CRADD: variants seen among roughly 807,000 people sequenced by gnomAD.
CRADD encodes death domain-containing protein CRADD.
Under a neutral mutation model 15.5 loss-of-function variants are expected in CRADD, and 9 were observed. That is an observed-to-expected ratio of 0.58 (90% CI 0.35 to 1.01). The LOEUF is 1.01. Among genes scored for constraint, CRADD ranks in the 50% least tolerant of loss-of-function variants. CRADD has a pLI of 0.02. For synonymous variants in CRADD, 118 were observed against 107.6 expected (o/e 1.10, Z -0.60); for missense variants, 227 against 250.3 (o/e 0.91, Z 0.63).
chr12:93,686,093 A>C (rs1955428623), intron 2 of CRADD, among the ~76,000 whole-genome samples: 1 of 151,662 alleles, frequency 6.6e-6, no homozygotes, highest in African/African-American at 2.4e-5. Flanking sequence ...TGAGGTCAGG[A>C]GTTTGAGACC....
chr12:93,743,217 A>G (rs183431734), intron 2 of CRADD, among the ~76,000 whole-genome samples: 1 of 152,306 alleles, frequency 6.6e-6, no homozygotes, highest in East Asian at 1.9e-4. Flanking sequence ...GTTACAATAT[A>G]GAGGTTTTTT....
chr12:93,732,452 G>T (rs1287161022), intron 2 of CRADD, among the ~76,000 whole-genome samples: 1 of 152,192 alleles, frequency 6.6e-6, no homozygotes, highest in Non-Finnish European at 1.5e-5. Flanking sequence ...AACAGAACAA[G>T]GCAACATCTC....
intron 2 of CRADD, among the ~76,000 whole-genome samples, chr12:93,802,202 A>G (rs886216174): frequency 5.9e-5 from 9 of 152,176 alleles, no homozygotes; most frequent in Non-Finnish European, 1.2e-4. Context: ...TCTGGGTAGG[A>G]ACCCAGTAGT....
chr12:93,684,976 G>A (rs1955398573), intron 2 of CRADD, among the ~76,000 whole-genome samples: 1 of 152,216 alleles, frequency 6.6e-6, no homozygotes, highest in South Asian at 2.1e-4. Flanking sequence ...CCGTGATCTT[G>A]TGTGGCTCGT....
intron 2 of CRADD, among the ~76,000 whole-genome samples, chr12:93,827,275 T>C (rs1040063301): frequency 2.0e-5 from 3 of 152,178 alleles, no homozygotes; most frequent in African/African-American, 7.2e-5. Flanking sequence ...TGTCATTATG[T>C]GTTGGTTTCA....
intron 2 of CRADD, among the ~76,000 whole-genome samples, chr12:93,757,010 T>A (rs1265724216): frequency 6.6e-6 from 1 of 152,258 alleles, no homozygotes; most frequent in Admixed American, 6.5e-5. Context: ...ACCATTGTCA[T>A]GGCTGAGTGA....
chr12:93,683,776 AT>A (rs1357486041), intron 2 of CRADD, among the ~76,000 whole-genome samples: 1 of 152,254 alleles, frequency 6.6e-6, no homozygotes. Context: ...AATGGCAGAT[AT>A]TTTAGATATT....
chr12:93,853,893 A>G (rs1958249035), downstream of CRADD, among the ~76,000 whole-genome samples: 1 of 151,978 alleles, frequency 6.6e-6, no homozygotes, highest in Admixed American at 6.5e-5. Flanking sequence ...TGTCTTAACC[A>G]CTTCCCTGCG....
chr12:93,752,183 A>G (rs909465406), intron 2 of CRADD, among the ~76,000 whole-genome samples: 1 of 152,220 alleles, frequency 6.6e-6, no homozygotes, highest in African/African-American at 2.4e-5. Context: ...GTGGAGGGTA[A>G]AGCATGGCTT....
intron 2 of CRADD, among the ~76,000 whole-genome samples, chr12:93,690,144 A>G (rs1379979700): frequency 6.6e-6 from 1 of 152,202 alleles, no homozygotes; most frequent in East Asian, 1.9e-4. Flanking sequence ...TCTTCAATCA[A>G]GTTTCTACAC....
At chr12:93,757,167 C>G (rs1956900098) in intron 2 of CRADD, among the ~76,000 whole-genome samples, 5 of 152,192 alleles carry the variant, frequency 3.3e-5, no homozygotes, top group Admixed American at 6.5e-5. Context: ...CGTATTATCT[C>G]AAGATCATTT....
rs539340280 is a variant in CRADD, at chr12:93,679,071, A to C, written c.297A>C (p.Ala99=). ...AREEAMTDLP[A]GDRLTGIPSH... is the part of the protein sequence containing the mutation. ...AAGAGGCCATGACCGACCTGCCTGC[A>C]GGTAGGCCTCAGAAAGATCACTTTG... The change falls in exon 2 of 3, where the codon GCA becomes GCC. Residue 99 remains alanine, a splice_region_variant and synonymous_variant. Coordinates refer to ENST00000332896, the MANE Select transcript of CRADD (RefSeq NM_003805.5). 9.9e-6 allele frequency: 16 copies of C among 1,610,764 alleles called. No homozygotes were observed. The East Asian group carries it at 3.6e-4, about 36-fold the overall frequency.
At chr12:93,712,632 A>G (rs1205178498) in intron 2 of CRADD, among the ~76,000 whole-genome samples, 1 of 152,238 alleles carries the variant, frequency 6.6e-6, no homozygotes, top group Admixed American at 6.5e-5. Flanking sequence ...GAACCCAGGG[A>G]TAATTCATTG....
intron 2 of CRADD, among the ~76,000 whole-genome samples, chr12:93,691,682 C>T (rs1255974663): frequency 1.3e-5 from 2 of 152,134 alleles, no homozygotes; most frequent in African/African-American, 2.4e-5. Flanking sequence ...GTGCAGGATA[C>T]AGTCACTAAG....
At chr12:93,730,718 T>G (rs910825000) in intron 2 of CRADD, among the ~76,000 whole-genome samples, 7 of 130,608 alleles carry the variant, frequency 5.4e-5, no homozygotes, top group African/African-American at 2.2e-4. Context: ...CTTCATTTAC[T>G]TTTTTTTTTT....
intron 2 of CRADD, among the ~76,000 whole-genome samples, chr12:93,784,726 A>T (rs1957257051): frequency 6.6e-6 from 1 of 152,116 alleles, no homozygotes; most frequent in Non-Finnish European, 1.5e-5. Context: ...TCCCAGAGTG[A>T]TTTACTGTCC....
At chr12:93,744,381 A>G (rs976240082) in intron 2 of CRADD, among the ~76,000 whole-genome samples, 1 of 152,224 alleles carries the variant, frequency 6.6e-6, no homozygotes, top group African/African-American at 2.4e-5. Context: ...AGGCAGCCAC[A>G]GTGTGCAGAA....
At chr12:93,768,233 T>A (rs185465524) in intron 2 of CRADD, among the ~76,000 whole-genome samples, 106 of 152,314 alleles carry the variant, frequency 7.0e-4, no homozygotes, top group Non-Finnish European at 1.1e-3. Context: ...CTAAAACAAT[T>A]GCTCTAGAAT....
At chr12:93,798,949 G>C (rs1957449063) in intron 2 of CRADD, among the ~76,000 whole-genome samples, 1 of 151,956 alleles carries the variant, frequency 6.6e-6, no homozygotes, top group African/African-American at 2.4e-5. Context: ...ACTGCTTTAG[G>C]AGCCCTGGGC....
Sources: allele counts gnomAD v4.1 joint callset (sites outside exome capture counted in the v4.1 genomes callset), GRCh38; gene constraint gnomAD v4.1.1; transcripts MANE v1.5; gene names NCBI Gene and HGNC (gene_info 2026-07-23, HGNC 2026-07-21).